Variants in CCBE1 observed in about 807,000 individuals in gnomAD.
CCBE1 encodes the protein collagen and calcium binding EGF domains 1.
A neutral mutation model predicts 50.0 loss-of-function variants in CCBE1; 37 were observed. The observed-to-expected ratio is 0.74, with a 90% CI of 0.57 to 0.97. The LOEUF (loss-of-function observed/expected upper bound fraction) is 0.97, where lower values mean the gene tolerates loss of function less well. CCBE1 is among the 50% of genes least tolerant of loss of function. CCBE1 has a pLI of 0.00. For synonymous variants in CCBE1, 234 were observed against 203.7 expected (o/e 1.15, Z -1.27); for missense variants, 538 against 523.8 (o/e 1.03, Z -0.26).
At chr18:59,464,981 C>CTAA (rs1911671686) in intron 5 of CCBE1, 1 of 152,482 alleles carries the variant, frequency 6.6e-6, no homozygotes, top group South Asian at 2.1e-4. Context: ...TAGAGAAGAG[C>CTAA]TAAGCCCTAG....
chr18:59,634,937 A>G (rs936008441), intron 2 of CCBE1, among the ~76,000 whole-genome samples: 5 of 152,204 alleles, frequency 3.3e-5, no homozygotes, highest in Non-Finnish European at 7.3e-5. Context: ...AGAAGGTTGA[A>G]CATATGTCTA....
chr18:59,570,325 C>T (rs2052891150), intron 2 of CCBE1, among the ~76,000 whole-genome samples: 1 of 152,110 alleles, frequency 6.6e-6, no homozygotes, highest in Admixed American at 6.5e-5. Flanking sequence ...AGACACAAAA[C>T]GTTTAGTGAG....
At chr18:59,612,754 G>A (rs11872366) in intron 2 of CCBE1, among the ~76,000 whole-genome samples, 2,266 of 151,152 alleles carry the variant, frequency 0.015, 60 homozygotes, top group African/African-American at 0.053. Context: ...TCTTACAACT[G>A]GCCTTGGGTG....
At chr18:59,620,128 A>G (rs181340194) in intron 2 of CCBE1, among the ~76,000 whole-genome samples, 164 of 152,280 alleles carry the variant, frequency 1.1e-3, no homozygotes, top group African/African-American at 3.8e-3. Context: ...CATGCAGAAA[A>G]AGAGACACAG....
At chr18:59,498,298 A>G (rs775344155) in intron 2 of CCBE1, among the ~76,000 whole-genome samples, 18 of 152,232 alleles carry the variant, frequency 1.2e-4, no homozygotes, top group Non-Finnish European at 2.4e-4. Flanking sequence ...AAAATTTGAT[A>G]CAATTTTGAG....
intron 2 of CCBE1, among the ~76,000 whole-genome samples, chr18:59,678,078 T>C (rs1364598658): frequency 6.6e-6 from 1 of 152,096 alleles, no homozygotes; most frequent in African/African-American, 2.4e-5. Context: ...TGTGCGATGG[T>C]TGTAAGCGGG....
At chr18:59,640,354 C>T (rs2053970610) in intron 2 of CCBE1, among the ~76,000 whole-genome samples, 1 of 152,140 alleles carries the variant, frequency 6.6e-6, no homozygotes, top group Non-Finnish European at 1.5e-5. Flanking sequence ...TGATCTTCAA[C>T]AAAGTCAACA....
At chr18:59,552,822 T>C (rs370192607) in intron 2 of CCBE1, among the ~76,000 whole-genome samples, 74 of 152,356 alleles carry the variant, frequency 4.9e-4, no homozygotes, top group African/African-American at 1.8e-3. Flanking sequence ...CATACACTTA[T>C]GTCTTTGAAA....
intron 2 of CCBE1, among the ~76,000 whole-genome samples, chr18:59,684,591 A>G (rs2054633407): frequency 6.6e-6 from 1 of 152,250 alleles, no homozygotes; most frequent in Non-Finnish European, 1.5e-5. Context: ...ATTCTTCATT[A>G]AGAGCCTCGG....
chr18:59,514,591 C>T (rs1384984114), intron 2 of CCBE1, among the ~76,000 whole-genome samples: 1 of 139,484 alleles, frequency 7.2e-6, no homozygotes, highest in Non-Finnish European at 1.5e-5. Flanking sequence ...TACAGACTTC[C>T]TTTGGGGAAT....
intron 2 of CCBE1, among the ~76,000 whole-genome samples, chr18:59,584,802 C>G (rs1308743027): frequency 6.6e-6 from 1 of 152,116 alleles, no homozygotes; most frequent in Non-Finnish European, 1.5e-5. Flanking sequence ...AACTGCAAGC[C>G]AATTAAACCT....
chr18:59,559,341 A>C (rs1468340103), intron 2 of CCBE1, among the ~76,000 whole-genome samples: 1 of 152,216 alleles, frequency 6.6e-6, no homozygotes, highest in East Asian at 1.9e-4. Context: ...AGGCTTACCC[A>C]GTGATCTGTC....
At chr18:59,640,150 T>C (rs1322091615) in intron 2 of CCBE1, among the ~76,000 whole-genome samples, 2 of 152,208 alleles carry the variant, frequency 1.3e-5, no homozygotes, top group East Asian at 3.8e-4. Context: ...AAATTCATTA[T>C]GGAGCCAAGA....
intron 2 of CCBE1, among the ~76,000 whole-genome samples, chr18:59,639,515 T>A (rs1453995908): frequency 6.6e-6 from 1 of 152,192 alleles, no homozygotes; most frequent in Non-Finnish European, 1.5e-5. Flanking sequence ...GAGCCATCTA[T>A]GACAAACCCA....
intron 2 of CCBE1, among the ~76,000 whole-genome samples, chr18:59,572,620 GATA>G (rs1422199831): frequency 6.6e-6 from 1 of 152,108 alleles, no homozygotes; most frequent in Non-Finnish European, 1.5e-5. Context: ...AATCAGTCAG[GATA>G]ATTTCTATTG....
At chr18:59,668,676 G>C (rs2054389563) in intron 2 of CCBE1, among the ~76,000 whole-genome samples, 1 of 151,954 alleles carries the variant, frequency 6.6e-6, no homozygotes, top group Non-Finnish European at 1.5e-5. Context: ...ATGCCTCTTT[G>C]CACATCCTTA....
intron 2 of CCBE1, among the ~76,000 whole-genome samples, chr18:59,514,412 G>T (rs969771183): frequency 1.3e-5 from 2 of 152,024 alleles, no homozygotes; most frequent in Non-Finnish European, 2.9e-5. Flanking sequence ...GCTTTAATCT[G>T]GCACTTTGTT....
chr18:59,630,906 C>A (rs557988803), intron 2 of CCBE1, among the ~76,000 whole-genome samples: 1 of 152,260 alleles, frequency 6.6e-6, no homozygotes, highest in East Asian at 1.9e-4. Context: ...TAGCAATGTG[C>A]AAACACTGGC....
intron 5 of CCBE1, among the ~76,000 whole-genome samples, chr18:59,456,286 G>A (rs1165709399): frequency 6.6e-6 from 1 of 152,330 alleles, no homozygotes; most frequent in East Asian, 1.9e-4. Context: ...GATCGTTACA[G>A]GTTGAATTGT....
Sources: allele counts gnomAD v4.1 joint callset (sites outside exome capture counted in the v4.1 genomes callset), GRCh38; gene constraint gnomAD v4.1.1; transcripts MANE v1.5; gene names NCBI Gene and HGNC (gene_info 2026-07-23, HGNC 2026-07-21).